The following TMCC1 variants were observed in gnomAD, a reference collection of about 807,000 sequenced individuals.
TMCC1 encodes transmembrane and coiled-coil domains protein 1.
A neutral mutation model predicts 52.4 loss-of-function variants in TMCC1; 15 were observed. The observed-to-expected ratio is 0.29, with a 90% CI of 0.19 to 0.44. The LOEUF (loss-of-function observed/expected upper bound fraction) is 0.44. Ranked by LOEUF, TMCC1 falls within the 20% of genes least tolerant of loss-of-function variation. The pLI is 1.00. For synonymous variants in TMCC1, 279 were observed against 301.9 expected, an observed-to-expected ratio of 0.92 and a Z score of 0.79; for missense variants, 503 against 806.0, an observed-to-expected ratio of 0.62 and a Z score of 4.55.
intron 1 of TMCC1, among the ~76,000 whole-genome samples, chr3:129,889,236 C>T (rs1325885372): frequency 6.6e-6 from 1 of 152,136 alleles, no homozygotes; most frequent in Non-Finnish European, 1.5e-5. Context: ...CGTTCCACTG[C>T]ACTCCAGTCT....
chr3:129,783,211 A>C (rs1432581309), intron 4 of TMCC1, among the ~76,000 whole-genome samples: 2 of 152,218 alleles, frequency 1.3e-5, no homozygotes, highest in Non-Finnish European at 2.9e-5. Flanking sequence ...AGATTCAGAA[A>C]GGTATCAGAT....
chr3:129,741,082 T>C (rs2051414929), intron 4 of TMCC1, among the ~76,000 whole-genome samples: 1 of 152,154 alleles, frequency 6.6e-6, no homozygotes, highest in South Asian at 2.1e-4. Flanking sequence ...TCCCTTTCCA[T>C]ACCCACCCAC....
At chr3:129,773,752 C>G (rs1264033614) in intron 4 of TMCC1, among the ~76,000 whole-genome samples, 1 of 152,086 alleles carries the variant, frequency 6.6e-6, no homozygotes, top group African/African-American at 2.4e-5. Context: ...TGAGACCAGC[C>G]AGGGCAATAT....
intron 2 of TMCC1, among the ~76,000 whole-genome samples, chr3:129,843,428 A>G (rs1007810459): frequency 7.9e-5 from 12 of 152,186 alleles, no homozygotes; most frequent in African/African-American, 2.7e-4. Flanking sequence ...TAGAAAAACC[A>G]ATGAAAGCAA....
In TMCC1 at chr3:129,818,212, G is replaced by A. The variant is rs533588489; in HGVS notation, c.576+9591C>T. The stretch of plus-strand genomic sequence containing the variant: ...CCCACCTCAGCATCCCAAAGTGCTG[G>A]GATCACAGGTATGAGCCCCAGCACC... On this transcript the variant is annotated intron_variant, in intron 4 of 6. Coordinates refer to ENST00000393238, the MANE Select transcript of TMCC1 (RefSeq NM_001017395.5). 8.6e-5 allele frequency among the ~76,000 whole-genome samples: 13 copies of A among 151,932 alleles called. 1 individual carries two copies. In the East Asian group the frequency reaches 9.7e-4, roughly 11 times the overall value.
chr3:129,771,878 T>C (rs2054611835), intron 4 of TMCC1, among the ~76,000 whole-genome samples: 1 of 150,254 alleles, frequency 6.7e-6, no homozygotes, highest in African/African-American at 2.4e-5. Context: ...ATGGAGAAAC[T>C]AGTTAGAAAG....
rs528796500 is a variant in TMCC1, at chr3:129,882,279, T to C, written c.-434-1720A>G. ...AAAGATGCTCAATATCACAAATAAT[T>C]AGGGAAATGCAAATCAAAACTACAA... On this transcript the variant is annotated intron_variant, in intron 1 of 6. Coordinates refer to ENST00000393238, the MANE Select transcript of TMCC1 (RefSeq NM_001017395.5). Among the ~76,000 whole-genome samples the C allele has an allele frequency of 4.6e-5, 7 of 151,264 alleles. No individual in the cohort carries two copies. The East Asian group carries it at 1.4e-3, about 29-fold the overall frequency.
chr3:129,695,142 A>AC (rs11419193), intron 4 of TMCC1, among the ~76,000 whole-genome samples: 120,411 of 138,996 alleles, frequency 0.87, 52,940 homozygotes, highest in East Asian at 1. Context: ...ATTAATAATA[A>AC]CCTTTGAAAA....
chr3:129,763,207 A>AAAAT (rs201181579), intron 4 of TMCC1, among the ~76,000 whole-genome samples: 1,905 of 131,334 alleles, frequency 0.015, 68 homozygotes, highest in Middle Eastern at 0.025. Context: ...CAAAAAATAA[A>AAAAT]AAATAAATAA....
At chr3:129,673,341 A>G (rs1161371603) in intron 4 of TMCC1, among the ~76,000 whole-genome samples, 1 of 152,140 alleles carries the variant, frequency 6.6e-6, no homozygotes, top group Non-Finnish European at 1.5e-5. Flanking sequence ...CAGGGTTCCA[A>G]TTGTTGCATT....
chr3:129,713,098 C>CA (rs2048824982), intron 4 of TMCC1, among the ~76,000 whole-genome samples: 1 of 151,754 alleles, frequency 6.6e-6, no homozygotes, highest in South Asian at 2.1e-4. Flanking sequence ...CCTGACTCTA[C>CA]AAAAAATAAA....
chr3:129,677,208 T>C (rs2088531397), intron 4 of TMCC1, among the ~76,000 whole-genome samples: 1 of 152,110 alleles, frequency 6.6e-6, no homozygotes, highest in Admixed American at 6.5e-5. Context: ...AAGGCTTCAG[T>C]GAGCTGAGAT....
intron 2 of TMCC1, among the ~76,000 whole-genome samples, chr3:129,858,563 G>C (rs2060246724): frequency 6.6e-6 from 1 of 151,992 alleles, no homozygotes; most frequent in Non-Finnish European, 1.5e-5. Flanking sequence ...GTAGAGACAG[G>C]GTTTTGTCAG....
At position 129,650,050 on chromosome 3, in the gene TMCC1, A is replaced by T. The variant is rs1443668446; in HGVS notation, c.*1431T>A. 2 of 152,552 alleles carry T rather than the reference A, an allele frequency of 1.3e-5. No individual in the cohort carries two copies. The highest frequency in any genetic ancestry group is 2.9e-5 in the Non-Finnish European group (2 of 68,024). The allele number at this position is 152,552 out of a possible 1,614,324, so 9.4% of individuals were successfully genotyped here. ...GACATTTCCTTCACTGCTCTTTAGG[A>T]GAATCACCTTTGGTTGATTCTCTTA... On this transcript the variant is annotated 3_prime_UTR_variant, in exon 7 of 7. Coordinates refer to ENST00000393238, the MANE Select transcript of TMCC1 (RefSeq NM_001017395.5).
intron 5 of TMCC1, among the ~76,000 whole-genome samples, chr3:129,660,236 C>A (rs1220017422): frequency 6.6e-6 from 1 of 152,192 alleles, no homozygotes; most frequent in East Asian, 1.9e-4. Flanking sequence ...TGGTCTCAAT[C>A]TCCTAGGCTC....
intron 4 of TMCC1, among the ~76,000 whole-genome samples, chr3:129,723,984 G>A (rs907487634): frequency 6.6e-6 from 1 of 151,642 alleles, no homozygotes; most frequent in Non-Finnish European, 1.5e-5. Context: ...GAGAGTGAGG[G>A]CTCCATGCTT....
chr3:129,776,961 T>G (rs896138112), intron 4 of TMCC1, among the ~76,000 whole-genome samples: 1 of 152,148 alleles, frequency 6.6e-6, no homozygotes, highest in African/African-American at 2.4e-5. Context: ...AAAAGGCAGC[T>G]TGGCATTAAG....
intron 4 of TMCC1, among the ~76,000 whole-genome samples, chr3:129,710,030 C>T (rs1190155842): frequency 4.0e-5 from 6 of 151,892 alleles, no homozygotes; most frequent in Non-Finnish European, 7.4e-5. Context: ...ACTAAAAATA[C>T]AAAAAATTAG....
chr3:129,850,283 T>TA (rs1203552327), intron 2 of TMCC1, among the ~76,000 whole-genome samples: 2 of 152,230 alleles, frequency 1.3e-5, no homozygotes, highest in East Asian at 1.9e-4. Flanking sequence ...AAAAGAATCT[T>TA]AGTTTTTTTC....
Sources: gnomAD v4.1 joint callset for allele counts (sites outside exome capture counted in the v4.1 genomes callset) on GRCh38, gnomAD v4.1.1 for gene constraint, MANE v1.5 for transcripts, NCBI Gene and HGNC (gene_info 2026-07-23, HGNC 2026-07-21) for gene names.